The following SLC35F3 variants were observed in gnomAD, a reference collection of about 807,000 sequenced individuals.
SLC35F3 encodes the protein solute carrier family 35 member F3.
SLC35F3 carries 25 observed loss-of-function variants against 49.9 expected under a neutral mutation model. The ratio of observed to expected loss-of-function variants is 0.50; its 90% CI spans 0.37 to 0.70. The LOEUF (loss-of-function observed/expected upper bound fraction) is 0.70, where lower values mean the gene tolerates loss of function less well. Ranked by LOEUF, SLC35F3 falls within the 30% of genes least tolerant of loss-of-function variation. The probability of loss-of-function intolerance (pLI) is 0.00; values close to 1 mark genes in which losing one functional copy is unlikely to be tolerated. For synonymous variants in SLC35F3, 275 were observed against 265.4 expected (o/e 1.04, Z -0.35); for missense variants, 525 against 639.8 (o/e 0.82, Z 1.94).
intron 7 of SLC35F3, among the ~76,000 whole-genome samples, chr1:234,321,345 C>A (rs1159753938): frequency 3.3e-5 from 5 of 152,222 alleles, no homozygotes; most frequent in African/African-American, 1.2e-4. Context: ...TAGCTTGCCT[C>A]CCCTGCAAAT....
chr1:234,280,218 C>T (rs1668300824), intron 3 of SLC35F3, among the ~76,000 whole-genome samples: 1 of 152,242 alleles, frequency 6.6e-6, no homozygotes, highest in Non-Finnish European at 1.5e-5. Flanking sequence ...TCCTTCTCAG[C>T]CCATGGCTTC....
At chr1:234,253,403 A>G (rs977306399) in intron 3 of SLC35F3, among the ~76,000 whole-genome samples, 1 of 152,010 alleles carries the variant, frequency 6.6e-6, no homozygotes, top group East Asian at 1.9e-4. Context: ...TGTTTATGCA[A>G]TAAGGAAAGA....
chr1:234,071,092 G>T (rs1664706907), intron 2 of SLC35F3, among the ~76,000 whole-genome samples: 1 of 152,204 alleles, frequency 6.6e-6, no homozygotes, highest in Admixed American at 6.5e-5. Context: ...CCTTTCAAAG[G>T]AGTTGTCCCT....
chr1:234,322,648 T>TGC (rs888985178), intron 7 of SLC35F3, among the ~76,000 whole-genome samples: 1 of 92,194 alleles, frequency 1.1e-5, no homozygotes, highest in African/African-American at 5.0e-5. Context: ...AAGGGTCAAA[T>TGC]GCGTGTGTGT....
chr1:234,233,874 T>G (rs940935860), intron 3 of SLC35F3, among the ~76,000 whole-genome samples: 8 of 152,234 alleles, frequency 5.3e-5, no homozygotes, highest in African/African-American at 1.7e-4. Flanking sequence ...TTGTTTGTTT[T>G]TTTCTGATTA....
chr1:234,194,507 G>C (rs1404217887), intron 2 of SLC35F3, among the ~76,000 whole-genome samples: 1 of 152,058 alleles, frequency 6.6e-6, no homozygotes, highest in African/African-American at 2.4e-5. Context: ...TTACTGCTCA[G>C]GTGATGCATG....
intron 2 of SLC35F3, among the ~76,000 whole-genome samples, chr1:234,146,292 C>A (rs918567688): frequency 6.6e-6 from 1 of 152,018 alleles, no homozygotes; most frequent in Non-Finnish European, 1.5e-5. Context: ...TTATCAATAT[C>A]TGTCTCTCTC....
At chr1:234,154,382 A>G (rs1264217703) in intron 2 of SLC35F3, among the ~76,000 whole-genome samples, 1 of 152,258 alleles carries the variant, frequency 6.6e-6, no homozygotes, top group Admixed American at 6.5e-5. Flanking sequence ...AAAATATTTT[A>G]TGTATGTGTC....
chr1:234,282,539 A>T (rs1558097366), intron 3 of SLC35F3, among the ~76,000 whole-genome samples: 2 of 152,158 alleles, frequency 1.3e-5, no homozygotes, highest in South Asian at 4.1e-4. Context: ...GGCCTTACCC[A>T]TGTGGGAGAT....
intron 3 of SLC35F3, among the ~76,000 whole-genome samples, chr1:234,245,895 G>A (rs1667624198): frequency 6.6e-6 from 1 of 152,268 alleles, no homozygotes; most frequent in African/African-American, 2.4e-5. Flanking sequence ...ATTCCTTTTA[G>A]GACCTAGCCT....
intron 2 of SLC35F3, among the ~76,000 whole-genome samples, chr1:234,162,775 A>G (rs1292792398): frequency 6.6e-6 from 1 of 152,238 alleles, no homozygotes; most frequent in Non-Finnish European, 1.5e-5. Flanking sequence ...TGCTGGCAGG[A>G]TGGCAGATGA....
intron 2 of SLC35F3, among the ~76,000 whole-genome samples, chr1:234,093,412 G>A (rs893399342): frequency 5.9e-5 from 9 of 152,158 alleles, no homozygotes; most frequent in African/African-American, 2.2e-4. Context: ...AGTCCTCACC[G>A]TATCTCCCAG....
chr1:234,002,094 C>T lies in SLC35F3; in HGVS notation c.283+96336C>T, dbSNP rs543188856. Among the ~76,000 whole-genome samples the T allele has an allele frequency of 3.3e-5, 5 of 152,264 alleles. No individual in the cohort carries two copies. The South Asian group carries it at 8.3e-4, about 25-fold the overall frequency. The stretch of plus-strand genomic sequence containing the variant: ...CTTTCAGCATGAACAGAGAGTCTTG[C>T]ACCTCTCTATTTTTTTTAAGTAAGT... On this transcript the variant is annotated intron_variant, in intron 2 of 7. Transcript: ENST00000366618.
At chr1:234,096,423 G>A (rs988580027) in intron 2 of SLC35F3, among the ~76,000 whole-genome samples, 3 of 152,186 alleles carry the variant, frequency 2.0e-5, no homozygotes, top group Non-Finnish European at 4.4e-5. Flanking sequence ...CCCATGGAAC[G>A]TGCTTCATCA....
At chr1:233,997,821 G>T (rs901248172) in intron 2 of SLC35F3, among the ~76,000 whole-genome samples, 1 of 151,314 alleles carries the variant, frequency 6.6e-6, no homozygotes, top group African/African-American at 2.4e-5. Flanking sequence ...GCACAATCTT[G>T]GCTCACTGCA....
chr1:233,954,946 C>T (rs549451478), intron 2 of SLC35F3, among the ~76,000 whole-genome samples: 2 of 152,232 alleles, frequency 1.3e-5, no homozygotes, highest in South Asian at 4.2e-4. Context: ...CGGGTTCCAG[C>T]GATTCTCGTG....
At chr1:233,969,180 C>T (rs760504753) in intron 2 of SLC35F3, among the ~76,000 whole-genome samples, 23 of 152,172 alleles carry the variant, frequency 1.5e-4, no homozygotes, top group Admixed American at 3.3e-4. Flanking sequence ...AGTTTTCAGA[C>T]GTCTGAAGTC....
rs1378411637 is a variant in SLC35F3, at chr1:233,904,971, G to A, written c.-107G>A. ...GCGGCCGGCGCGGCGCAGACCCTCG[G>A]TGGGCAGCGCACTCCAGTCTTCCCA... On this transcript the variant is annotated 5_prime_UTR_variant, in exon 1 of 8. The change creates a new upstream start codon in the 5' untranslated region. Coordinates refer to ENST00000366618, the MANE Select transcript of SLC35F3 (RefSeq NM_173508.4). 2.3e-6 allele frequency: 3 copies of A among 1,297,136 alleles called. No homozygotes were observed. Among genetic ancestry groups the A allele is most frequent in the African/African-American group, 3.1e-5 (2 of 64,660 alleles). The allele number at this position is 1,297,136 out of a possible 1,614,324, so 80.4% of individuals were successfully genotyped here. A position where few individuals can be genotyped will look rare whatever the true frequency, so the allele number is the denominator to read the frequency against.
intron 3 of SLC35F3, among the ~76,000 whole-genome samples, chr1:234,281,650 G>A (rs969205855): frequency 1.3e-5 from 2 of 152,186 alleles, no homozygotes; most frequent in African/African-American, 4.8e-5. Flanking sequence ...ATAAATCTAT[G>A]CAAACAAAGT....
Sources: gnomAD v4.1 joint callset for allele counts (sites outside exome capture counted in the v4.1 genomes callset) on GRCh38, gnomAD v4.1.1 for gene constraint, MANE v1.5 for transcripts, NCBI Gene and HGNC (gene_info 2026-07-23, HGNC 2026-07-21) for gene names.